Variants in LY6G6D observed in about 807,000 individuals in gnomAD.
The protein encoded by LY6G6D is lymphocyte antigen 6 complex locus protein G6d.
Under a neutral mutation model 8.5 loss-of-function variants are expected in LY6G6D, and 5 were observed. That is an observed-to-expected ratio of 0.59 (90% CI 0.31 to 1.24). The LOEUF is 1.24. Ranked by LOEUF, LY6G6D falls within the 50% of genes most tolerant of loss-of-function variation. LY6G6D has a pLI of 0.07. For synonymous variants in LY6G6D, 65 were observed against 69.6 expected (o/e 0.93, Z 0.33); for missense variants, 154 against 170.4 (o/e 0.90, Z 0.53).
Position 31,717,840 on chromosome 6 carries a change from G to A in LY6G6D, c.*36G>A, listed in dbSNP as rs1336424547. On this transcript the variant is annotated 3_prime_UTR_variant, in exon 3 of 3. Transcript: ENST00000375825. The surrounding 1 kb of genome is among the most constrained non-coding windows in gnomAD (Gnocchi z 5.0). Reference sequence around the variant, plus strand: ...AGTAGAGAAGGGAACAAGGGAGCAAGGGAACAAGGGACATCTGAACATCTA... The same window carrying A: ...AGTAGAGAAGGGAACAAGGGAGCAAAGGAACAAGGGACATCTGAACATCTA... 1 of 1,575,158 alleles carries A rather than the reference G, an allele frequency of 6.3e-7. No individual in the cohort carries two copies. Among genetic ancestry groups the A allele is most frequent in the Non-Finnish European group, 8.6e-7 (1 of 1,163,622 alleles).
intron 2 of LY6G6D, 40 bp downstream of exon 2, chr6:31,715,664 T>G (rs1361068905): frequency 6.2e-7 from 1 of 1,605,222 alleles, no homozygotes; most frequent in Non-Finnish European, 8.5e-7. Context: ...AGCCTTTCCC[T>G]GCCTCCAGCC....
Position 31,715,513 on chromosome 6 carries a change from C to A in LY6G6D, c.67C>A (p.Arg23=). Residue 23 remains arginine (R), a synonymous_variant, in exon 2 of 3, where the codon CGG becomes AGG. Transcript: ENST00000375825. ...LLGAALGNRM[R]CYNCGGSPSS... ...TTTTCTCCTGCCAGGAAACCGAATG[C>A]GGTGCTACAACTGTGGTGGAAGCCC... 1 of 1,612,728 alleles carries A rather than the reference C, an allele frequency of 6.2e-7. No individual in the cohort carries two copies. Among genetic ancestry groups the A allele is most frequent in the South Asian group, 1.1e-5 (1 of 91,072 alleles).
At position 31,715,603 on chromosome 6, in the gene LY6G6D, C is replaced by T; in HGVS notation, c.157C>T (p.Gln53Ter). The change falls in exon 2 of 3, where the codon CAG becomes TAG. Residue 53 changes from glutamine (Q) to a stop codon, truncating the protein, a stop_gained. Coordinates refer to ENST00000375825, the MANE Select transcript of LY6G6D (RefSeq NM_021246.4). LOFTEE classifies it low-confidence loss of function (END_TRUNC). The part of the protein sequence containing the change: ...GEGRPQPGLE[Q>*]IKLPGNPPVT... ...GGGCAGACCCCAGCCAGGCCTGGAACAGATCAAGCTACCTGGAAACCGTGA... is the reference window on the plus strand; with the variant it reads ...GGGCAGACCCCAGCCAGGCCTGGAATAGATCAAGCTACCTGGAAACCGTGA... The T allele has an allele frequency of 1.2e-6, 2 of 1,613,062 alleles. No individual in the cohort carries two copies. Among genetic ancestry groups the T allele is most frequent in the Non-Finnish European group, 8.5e-7 (1 of 1,180,004 alleles).
In LY6G6D at chr6:31,716,495, C is replaced by T. The variant is rs752323253; in HGVS notation, c.178+871C>T. Among the ~76,000 whole-genome samples, 1 of 152,124 alleles carries T rather than the reference C, an allele frequency of 6.6e-6. No individual in the cohort carries two copies. The highest frequency in any genetic ancestry group is 2.4e-5 in the African/African-American group (1 of 41,484). On this transcript the variant is annotated intron_variant, in intron 2 of 2. Coordinates refer to ENST00000375825, the MANE Select transcript of LY6G6D (RefSeq NM_021246.4). The surrounding 1 kb of genome is among the most constrained non-coding windows in gnomAD (Gnocchi z 5.1). ...GGGTGTGGTGGCACATGCTTGTAGTCCTAGCTACTCAGGGGGCTGAAGAGG... is the reference window on the plus strand; with the variant it reads ...GGGTGTGGTGGCACATGCTTGTAGTTCTAGCTACTCAGGGGGCTGAAGAGG...
rs1385335654 is a variant in LY6G6D, at chr6:31,716,298, A to G, written c.178+674A>G. Among the ~76,000 whole-genome samples the G allele has an allele frequency of 1.3e-5, 2 of 152,138 alleles. No individual in the cohort carries two copies. The highest frequency in any genetic ancestry group is 4.8e-5 in the African/African-American group (2 of 41,418). ...TTATTTTATACCTGGAGTTTAAAAAATTACTTTTAGGGCCAGTGCAGTCAC... is the reference window on the plus strand; with the variant it reads ...TTATTTTATACCTGGAGTTTAAAAAGTTACTTTTAGGGCCAGTGCAGTCAC... On this transcript the variant is annotated intron_variant, in intron 2 of 2. Transcript: ENST00000375825. The surrounding 1 kb of genome is among the most constrained non-coding windows in gnomAD (Gnocchi z 5.1).
Position 31,717,172 on chromosome 6 carries a change from C to T in LY6G6D, c.179-409C>T, listed in dbSNP as rs1251619076. Among the ~76,000 whole-genome samples, 2 of 151,714 alleles carry T rather than the reference C, an allele frequency of 1.3e-5. No homozygotes were observed. Among genetic ancestry groups the T allele is most frequent in the East Asian group, 3.9e-4 (2 of 5,152 alleles). ...ACCTGAGGCAGGAGAATTGCTTGAA[C>T]CCAAGAGGTGGAGGTCGCGGTGAGC... On this transcript the variant is annotated intron_variant, in intron 2 of 2. Coordinates refer to ENST00000375825, the MANE Select transcript of LY6G6D (RefSeq NM_021246.4). This position sits in a 1 kb window ranked among gnomAD's most constrained non-coding sequence, Gnocchi z 5.0.
rs1450363669 is a variant in LY6G6D, at chr6:31,717,488, C to T, written c.179-93C>T. ...GGTGTTTTTTGAGGGGGCTGAAAATCCCTTTGGGCTCCTTGAAATCACATC... is the reference window on the plus strand; with the variant it reads ...GGTGTTTTTTGAGGGGGCTGAAAATTCCTTTGGGCTCCTTGAAATCACATC... On this transcript the variant is annotated intron_variant, in intron 2 of 2. Coordinates refer to ENST00000375825, the MANE Select transcript of LY6G6D (RefSeq NM_021246.4). This position sits in a 1 kb window ranked among gnomAD's most constrained non-coding sequence, Gnocchi z 5.0. 1 of 1,613,140 alleles carries T rather than the reference C, an allele frequency of 6.2e-7. No individual in the cohort carries two copies. The highest frequency in any genetic ancestry group is 8.5e-7 in the Non-Finnish European group (1 of 1,179,604).
Position 31,717,579 on chromosome 6 carries a change from A to C in LY6G6D, c.179-2A>C, listed in dbSNP as rs1806524711. ...ACACCCCAGTTTCATTCTCTCTCTC[A>C]GCCCCAGTGACCTTGATTCACCAAC... is the stretch of plus-strand genomic sequence containing the variant. On this transcript the variant is annotated splice_acceptor_variant, in intron 2 of 2. Coordinates refer to ENST00000375825, the MANE Select transcript of LY6G6D (RefSeq NM_021246.4). LOFTEE classifies it high-confidence loss of function. This position sits in a 1 kb window ranked among gnomAD's most constrained non-coding sequence, Gnocchi z 5.0. 1 of 1,614,192 alleles carries C rather than the reference A, an allele frequency of 6.2e-7. No homozygotes were observed. The highest frequency in any genetic ancestry group is 8.5e-7 in the Non-Finnish European group (1 of 1,180,036).
intron 2 of LY6G6D, 62 bp downstream of exon 2, chr6:31,715,686 C>T (rs1806378389): frequency 6.3e-7 from 1 of 1,589,090 alleles, no homozygotes; most frequent in Non-Finnish European, 8.6e-7. Flanking sequence ...CATGTCAATC[C>T]TTCTGGCTTC....
chr6:31,717,274 A>G lies in LY6G6D; in HGVS notation c.179-307A>G, dbSNP rs889036969. 7.2e-5 allele frequency among the ~76,000 whole-genome samples: 11 copies of G among 152,092 alleles called. No individual in the cohort carries two copies. Among genetic ancestry groups the G allele is most frequent in the Admixed American group, 5.9e-4 (9 of 15,260 alleles). On this transcript the variant is annotated intron_variant, in intron 2 of 2. Coordinates refer to ENST00000375825, the MANE Select transcript of LY6G6D (RefSeq NM_021246.4). This position sits in a 1 kb window ranked among gnomAD's most constrained non-coding sequence, Gnocchi z 5.0. The stretch of plus-strand genomic sequence containing the variant: ...CAAAAAAAAAAAAAAAATTACAGAT[A>G]CTTGAAATACTAAAAATTATTTTAT...
chr6:31,717,067 G>A lies in LY6G6D; in HGVS notation c.179-514G>A, dbSNP rs9461717. ...GGAGTTCAAGACCAGCCTGATCAAT[G>A]TGGAGAAATCTCGTCTCTACTAAAA... On this transcript the variant is annotated intron_variant, in intron 2 of 2. Transcript: ENST00000375825. This position sits in a 1 kb window ranked among gnomAD's most constrained non-coding sequence, Gnocchi z 5.0. 0.068 allele frequency among the ~76,000 whole-genome samples: 10,367 copies of A among 152,172 alleles called. 583 individuals are homozygous for A. Among genetic ancestry groups the A allele is most frequent in the African/African-American group, 0.15 (6,070 of 41,484 alleles).
In LY6G6D at chr6:31,715,946, G is replaced by GA. The variant is rs1806399772; in HGVS notation, c.178+323dup. Among the ~76,000 whole-genome samples, 7 of 127,936 alleles carry GA rather than the reference G, an allele frequency of 5.5e-5. No individual in the cohort carries two copies. In the South Asian group the frequency reaches 7.5e-4, roughly 14 times the overall value. 83.9% of individuals were successfully genotyped at this position (127,936 alleles called of 152,430 possible). A position where few individuals can be genotyped will look rare whatever the true frequency, so the allele number is the denominator to read the frequency against. ...TTTTCGGCATTAGTTAAGGACCAGG[G>GA]AGGGGTGTGTGTGTGTGTGTGTGTG... On this transcript the variant is annotated intron_variant, in intron 2 of 2. Transcript: ENST00000375825.
At chr6:31,715,738 A>C (rs1387271612) in intron 2 of LY6G6D, 114 bp downstream of exon 2, 5 of 1,473,304 alleles carry the variant, frequency 3.4e-6, no homozygotes, top group Non-Finnish European at 4.5e-6. Flanking sequence ...CAGATGGTGC[A>C]GCTGTTAGAG....
rs1292961892 is a variant in LY6G6D at position 31,717,497 on chromosome 6, C to G, written c.179-84C>G. ...TGAGGGGGCTGAAAATCCCTTTGGG[C>G]TCCTTGAAATCACATCTGCTCTGCC... On this transcript the variant is annotated intron_variant, in intron 2 of 2. Coordinates refer to ENST00000375825, the MANE Select transcript of LY6G6D (RefSeq NM_021246.4). The surrounding 1 kb of genome is among the most constrained non-coding windows in gnomAD (Gnocchi z 5.0). 3.1e-6 allele frequency: 5 copies of G among 1,613,744 alleles called. No individual in the cohort carries two copies. The highest frequency in any genetic ancestry group is 4.2e-6 in the Non-Finnish European group (5 of 1,179,826).
Position 31,717,526 on chromosome 6 carries a change from G to A in LY6G6D, c.179-55G>A. The A allele has an allele frequency of 6.2e-7, 1 of 1,614,106 alleles. No individual in the cohort carries two copies. Among genetic ancestry groups the A allele is most frequent in the Non-Finnish European group, 8.5e-7 (1 of 1,179,982 alleles). On this transcript the variant is annotated intron_variant, in intron 2 of 2. Coordinates refer to ENST00000375825, the MANE Select transcript of LY6G6D (RefSeq NM_021246.4). The surrounding 1 kb of genome is among the most constrained non-coding windows in gnomAD (Gnocchi z 5.0). ...TTGAAATCACATCTGCTCTGCCCCA[G>A]AAGGCAAGTCCTGAAGCCAGGAGTC...
At position 31,717,317 on chromosome 6, in the gene LY6G6D, T is replaced by A. The variant is rs374357128; in HGVS notation, c.179-264T>A. On this transcript the variant is annotated intron_variant, in intron 2 of 2. Coordinates refer to ENST00000375825, the MANE Select transcript of LY6G6D (RefSeq NM_021246.4). The surrounding 1 kb of genome is among the most constrained non-coding windows in gnomAD (Gnocchi z 5.0). The stretch of plus-strand genomic sequence containing the variant: ...TATTTTATAGAATGTCCCTCGATAT[T>A]TATTTATCTGATATTTGCCATGATG... 8.0e-3 allele frequency: 5,369 copies of A among 674,214 alleles called. 237 individuals are homozygous for A. The South Asian group carries it at 0.085, about 11-fold the overall frequency. 41.8% of individuals were successfully genotyped at this position (674,214 alleles called of 1,614,324 possible).
rs1269125544 is a variant in LY6G6D at position 31,717,257 on chromosome 6, A to G, written c.179-324A>G. ...AGAGTGAAACTCCGTCTCAAAAAAA[A>G]AAAAAAAATTACAGATACTTGAAAT... On this transcript the variant is annotated intron_variant, in intron 2 of 2. Transcript: ENST00000375825. The surrounding 1 kb of genome is among the most constrained non-coding windows in gnomAD (Gnocchi z 5.0). Among the ~76,000 whole-genome samples the G allele has an allele frequency of 1.3e-5, 2 of 152,202 alleles. No individual in the cohort carries two copies. The highest frequency in any genetic ancestry group is 2.9e-5 in the Non-Finnish European group (2 of 68,034).
At position 31,715,637 on chromosome 6, in the gene LY6G6D, T is replaced by C; in HGVS notation, c.178+13T>C. On this transcript the variant is annotated intron_variant, in intron 2 of 2. Coordinates refer to ENST00000375825, the MANE Select transcript of LY6G6D (RefSeq NM_021246.4). ...CTACCTGGAAACCGTGAGTCCTCAG[T>C]TTCTCCCTCTTCCAGCAGCCTTTCC... is the stretch of plus-strand genomic sequence containing the variant. 6.2e-7 allele frequency: 1 copy of C among 1,609,346 alleles called. No individual in the cohort carries two copies. Among genetic ancestry groups the C allele is most frequent in the East Asian group, 2.2e-5 (1 of 44,768 alleles).
At position 31,717,654 on chromosome 6, in the gene LY6G6D, G is replaced by A. The variant is rs760303063; in HGVS notation, c.252G>A (p.Ser84=). The change falls in exon 3 of 3, where the codon TCG becomes TCA. Residue 84 remains serine, a synonymous_variant. Coordinates refer to ENST00000375825, the MANE Select transcript of LY6G6D (RefSeq NM_021246.4). This position sits in a 1 kb window ranked among gnomAD's most constrained non-coding sequence, Gnocchi z 5.0. ...ATTGCAATCAAGTGGAGACAGAGTC[G>A]GTGGGAGACGTGACTTATCCAGCCC... ...AHHCNQVETE[S]VGDVTYPAHR... The A allele has an allele frequency of 7.4e-6, 12 of 1,614,200 alleles. No individual in the cohort carries two copies. The highest frequency in any genetic ancestry group is 3.3e-5 in the Admixed American group (2 of 60,014).
Sources: gnomAD v4.1 joint callset for allele counts (sites outside exome capture counted in the v4.1 genomes callset) on GRCh38, gnomAD v4.1.1 for gene constraint, Gnocchi (gnomAD v3.1) non-coding constraint, MANE v1.5 for transcripts, NCBI Gene and HGNC (gene_info 2026-07-23, HGNC 2026-07-21) for gene names.